The following GPR158 variants were observed in gnomAD, a reference collection of about 807,000 sequenced individuals.
The protein encoded by GPR158 is metabotropic glycine receptor.
In GPR158, 30 loss-of-function variants were observed where a neutral mutation model predicts 78.2. The observed-to-expected ratio is 0.38, with a 90% CI of 0.29 to 0.52. GPR158 has a LOEUF of 0.52. Among genes scored for constraint, GPR158 ranks in the 20% least tolerant of loss-of-function variants. The pLI, the probability that GPR158 is intolerant of heterozygous loss-of-function variation, is 0.83. For missense variants in GPR158, 1,463 were observed against 1,523.5 expected (o/e 0.96, Z 0.66); for synonymous variants, 581 against 591.1 (o/e 0.98, Z 0.25).
chr10:25,386,455 C>T (rs369978684), intron 2 of GPR158, among the ~76,000 whole-genome samples: 14 of 152,020 alleles, frequency 9.2e-5, no homozygotes, highest in African/African-American at 2.2e-4. Context: ...GACATTTTTT[C>T]GATTTCTGCA....
chr10:25,385,503 T>C (rs1238011100), intron 2 of GPR158, among the ~76,000 whole-genome samples: 2 of 152,158 alleles, frequency 1.3e-5, no homozygotes. Context: ...TGCAAGACCA[T>C]ATAGTAATTC....
In GPR158 at chr10:25,580,922, TA is replaced by T. The variant is rs66518116; in HGVS notation, c.1753+8036del. ...TTTATTTTTTTATTTTATTTTATTT[TA>T]TTTTATTTTTTTGAGACGGAGTCTC... On this transcript the variant is annotated intron_variant, in intron 7 of 10. Transcript: ENST00000376351. Among the ~76,000 whole-genome samples the T allele has an allele frequency of 1.5e-3, 133 of 90,946 alleles. 2 individuals carry two copies. Among genetic ancestry groups the T allele is most frequent in the African/African-American group, 2.1e-3 (23 of 10,884 alleles). The allele number at this position is 90,946 out of a possible 152,430, so 59.7% of individuals were successfully genotyped here.
At chr10:25,192,736 C>T (rs1366342945) in intron 1 of GPR158, among the ~76,000 whole-genome samples, 1 of 149,022 alleles carries the variant, frequency 6.7e-6, no homozygotes, top group African/African-American at 2.5e-5. Context: ...TTTGAGGGCG[C>T]ACATGTACCC....
At chr10:25,398,799 C>CAGCTTTGACCT (rs1178436505) in intron 3 of GPR158, among the ~76,000 whole-genome samples, 1 of 152,148 alleles carries the variant, frequency 6.6e-6, no homozygotes. Flanking sequence ...AGCTTTGATT[C>CAGCTTTGACCT]AGCTTTGACC....
At chr10:25,336,319 A>G (rs1855206036) in intron 2 of GPR158, among the ~76,000 whole-genome samples, 1 of 152,068 alleles carries the variant, frequency 6.6e-6, no homozygotes, top group Admixed American at 6.6e-5. Context: ...TAGCATGACA[A>G]ATATTATGAA....
chr10:25,389,416 A>G (rs1486447483), intron 2 of GPR158, among the ~76,000 whole-genome samples: 5 of 152,020 alleles, frequency 3.3e-5, no homozygotes, highest in Non-Finnish European at 4.4e-5. Flanking sequence ...CATCAGGATG[A>G]CCTGCCTCAC....
intron 4 of GPR158, among the ~76,000 whole-genome samples, chr10:25,452,325 C>T (rs1835231702): frequency 6.6e-6 from 1 of 152,088 alleles, no homozygotes; most frequent in Non-Finnish European, 1.5e-5. Context: ...GGATTATAGG[C>T]ATGAGCCACG....
intron 2 of GPR158, among the ~76,000 whole-genome samples, chr10:25,319,305 A>G (rs1446864943): frequency 6.6e-6 from 1 of 152,156 alleles, no homozygotes. Context: ...TTGTCACAGT[A>G]TATTGACATT....
chr10:25,461,892 C>T (rs538778199), intron 4 of GPR158, among the ~76,000 whole-genome samples: 37 of 151,864 alleles, frequency 2.4e-4, no homozygotes, highest in Middle Eastern at 6.8e-3. Flanking sequence ...CCACCACGCC[C>T]GGCTGATTTT....
intron 2 of GPR158, among the ~76,000 whole-genome samples, chr10:25,226,266 A>G (rs1853370959): frequency 6.6e-6 from 1 of 152,192 alleles, no homozygotes; most frequent in Non-Finnish European, 1.5e-5. Flanking sequence ...CAAGCATTTA[A>G]TAGCCCATGT....
At chr10:25,399,452 A>G (rs1027259839) in intron 3 of GPR158, among the ~76,000 whole-genome samples, 1 of 152,082 alleles carries the variant, frequency 6.6e-6, no homozygotes, top group Non-Finnish European at 1.5e-5. Flanking sequence ...TCTAGGTTGC[A>G]TGCTCCTTAT....
At chr10:25,338,344 A>T (rs1197447669) in intron 2 of GPR158, among the ~76,000 whole-genome samples, 1 of 148,406 alleles carries the variant, frequency 6.7e-6, no homozygotes, top group Non-Finnish European at 1.5e-5. Context: ...TGTTTTGCCA[A>T]GCAGCTTTCC....
intron 5 of GPR158, among the ~76,000 whole-genome samples, chr10:25,489,559 T>A (rs895317084): frequency 1.3e-5 from 2 of 152,122 alleles, no homozygotes; most frequent in Non-Finnish European, 2.9e-5. Context: ...CTAGAATGCC[T>A]CTTCAAATAA....
At chr10:25,471,510 A>G (rs1176047537) in intron 5 of GPR158, among the ~76,000 whole-genome samples, 1 of 152,118 alleles carries the variant, frequency 6.6e-6, no homozygotes, top group Admixed American at 6.5e-5. Context: ...TGGTATTTCT[A>G]GTTCTAGATC....
At chr10:25,304,794 G>C (rs60795529) in intron 2 of GPR158, among the ~76,000 whole-genome samples, 30,782 of 152,046 alleles carry the variant, frequency 0.2, 5,260 homozygotes, top group African/African-American at 0.47. Context: ...CATTGCGTCT[G>C]AGAATATGAG....
At chr10:25,551,134 C>T (rs763510346) in intron 6 of GPR158, 49 bp downstream of exon 6, 8 of 1,029,160 alleles carry the variant, frequency 7.8e-6, no homozygotes, top group Admixed American at 1.7e-5. Flanking sequence ...TCAAACTAAT[C>T]AGCTTGGCAC....
At chr10:25,296,129 C>G (rs1254134192) in intron 2 of GPR158, among the ~76,000 whole-genome samples, 1 of 151,912 alleles carries the variant, frequency 6.6e-6, no homozygotes, top group African/African-American at 2.4e-5. Flanking sequence ...AGGGGATACC[C>G]TGGAACACAA....
chr10:25,454,185 A>T (rs1167448002), intron 4 of GPR158, among the ~76,000 whole-genome samples: 4 of 87,448 alleles, frequency 4.6e-5, no homozygotes, highest in Non-Finnish European at 9.4e-5. Flanking sequence ...GCTATTGAAA[A>T]TGAGATTGTT....
At chr10:25,446,992 T>A (rs1265164385) in intron 4 of GPR158, among the ~76,000 whole-genome samples, 1 of 152,180 alleles carries the variant, frequency 6.6e-6, no homozygotes, top group Non-Finnish European at 1.5e-5. Context: ...ATAAAGGCGT[T>A]ATCTGAGGCC....
Sources: allele counts gnomAD v4.1 joint callset (sites outside exome capture counted in the v4.1 genomes callset), GRCh38; gene constraint gnomAD v4.1.1; transcripts MANE v1.5; gene names NCBI Gene and HGNC (gene_info 2026-07-23, HGNC 2026-07-21).